TMC7: variants seen among roughly 807,000 people sequenced by gnomAD.
TMC7 encodes transmembrane channel-like protein 7.
A neutral mutation model predicts 82.9 loss-of-function variants in TMC7; 54 were observed. The ratio of observed to expected loss-of-function variants is 0.65; its 90% CI spans 0.52 to 0.82. The LOEUF (loss-of-function observed/expected upper bound fraction) is 0.82, where lower values mean the gene tolerates loss of function less well. Among genes scored for constraint, TMC7 ranks in the 40% least tolerant of loss-of-function variants. The pLI, the probability that TMC7 is intolerant of heterozygous loss-of-function variation, is 0.00. For synonymous variants in TMC7, 350 were observed against 337.9 expected, an observed-to-expected ratio of 1.04 and a Z score of -0.39; for missense variants, 820 against 901.2, an observed-to-expected ratio of 0.91 and a Z score of 1.15.
In TMC7 at chr16:19,057,352, G is replaced by C. The variant is rs1428463499; in HGVS notation, c.2027+655G>C. ...GAGCAGAGAGATGAACATCAGATTAGAAGCATGCCCTTGAACCCTGGCTCT... is the reference window on the plus strand; with the variant it reads ...GAGCAGAGAGATGAACATCAGATTACAAGCATGCCCTTGAACCCTGGCTCT... On this transcript the variant is annotated intron_variant, in intron 14 of 15. Coordinates refer to ENST00000304381, the MANE Select transcript of TMC7 (RefSeq NM_024847.4). 9.2e-5 allele frequency among the ~76,000 whole-genome samples: 14 copies of C among 152,152 alleles called. 1 individual carries two copies. The highest frequency in any genetic ancestry group is 7.9e-4 in the Admixed American group (12 of 15,270).
chr16:19,007,479 C>A (rs1401099203), intron 1 of TMC7, among the ~76,000 whole-genome samples: 2 of 152,310 alleles, frequency 1.3e-5, no homozygotes, highest in East Asian at 3.9e-4. Flanking sequence ...CTTCCTCCAA[C>A]CTGTCACACA....
chr16:19,025,136 C>T (rs904294698), intron 5 of TMC7, among the ~76,000 whole-genome samples: 7 of 152,146 alleles, frequency 4.6e-5, no homozygotes, highest in Admixed American at 3.9e-4. Context: ...TCCCTGGTCT[C>T]TACCCACTAG....
At chr16:19,019,934 C>T (rs575832744) in intron 3 of TMC7, among the ~76,000 whole-genome samples, 53 of 152,168 alleles carry the variant, frequency 3.5e-4, no homozygotes, top group Admixed American at 1.4e-3. Context: ...CTTATATCTT[C>T]GGTCTCCAGT....
intron 6 of TMC7, among the ~76,000 whole-genome samples, chr16:19,032,963 C>T (rs886783534): frequency 6.6e-6 from 1 of 152,112 alleles, no homozygotes; most frequent in African/African-American, 2.4e-5. Flanking sequence ...AGCGAATCTA[C>T]CTGTGAATCT....
chr16:19,058,746 C>T (rs754826721), intron 14 of TMC7, among the ~76,000 whole-genome samples: 11 of 152,150 alleles, frequency 7.2e-5, no homozygotes, highest in Non-Finnish European at 1.2e-4. Flanking sequence ...GGCTCTGTTG[C>T]CCAGTCTGGA....
intron 1 of TMC7, 116 bp downstream of exon 1, chr16:18,984,246 G>T (rs372123118): frequency 1.5e-6 from 2 of 1,343,972 alleles, no homozygotes; most frequent in Non-Finnish European, 1.9e-6. Context: ...CCCGACGCCG[G>T]GTGCTCCCGG....
intron 1 of TMC7, among the ~76,000 whole-genome samples, chr16:18,992,312 T>C (rs377224221): frequency 2.0e-4 from 31 of 152,130 alleles, no homozygotes; most frequent in East Asian, 3.9e-4. Context: ...GATGGTATCT[T>C]ATTGTGGTTT....
At position 19,063,735 on chromosome 16, in the gene TMC7, A is replaced by G. The variant is rs1367128021; in HGVS notation, c.*1892A>G. On this transcript the variant is annotated 3_prime_UTR_variant, in exon 16 of 16. Transcript: ENST00000304381. ...GAAAACGTACTGCGTTTTTTTTCCT[A>G]TTATAAAAGTGATACTGAAATATGC... is the stretch of plus-strand genomic sequence containing the variant. 3.3e-5 allele frequency: 5 copies of G among 151,086 alleles called. No homozygotes were observed. Among genetic ancestry groups the G allele is most frequent in the Admixed American group, 1.3e-4 (2 of 15,108 alleles). The allele number at this position is 151,086 out of a possible 1,614,324, so 9.4% of individuals were successfully genotyped here.
Position 19,021,618 on chromosome 16 carries a change from GTT to G in TMC7, c.461-6_461-5del. The G allele has an allele frequency of 6.2e-7, 1 of 1,614,000 alleles. No homozygotes were observed. The highest frequency in any genetic ancestry group is 8.5e-7 in the Non-Finnish European group (1 of 1,179,956). ...TCCCTGGTCAGTGATGTCCGGGTTT[GTT>G]TTTTCCAGGGAAATTTGGCACTGGG... On this transcript the variant is annotated splice_polypyrimidine_tract_variant and intron_variant, in intron 3 of 15. Coordinates refer to ENST00000304381, the MANE Select transcript of TMC7 (RefSeq NM_024847.4).
rs530312713 is a variant in TMC7, at chr16:19,005,871, A to G, written c.68-3301A>G. 4.6e-5 allele frequency among the ~76,000 whole-genome samples: 7 copies of G among 152,136 alleles called. No homozygotes were observed. The South Asian group carries it at 6.2e-4, about 14-fold the overall frequency. On this transcript the variant is annotated intron_variant, in intron 1 of 15. Coordinates refer to ENST00000304381, the MANE Select transcript of TMC7 (RefSeq NM_024847.4). ...CTCAGGGTGTGCCAGGCAGGGAGGT[A>G]GAAGGGTGGGTGAGGCTCGTAGACT... is the stretch of plus-strand genomic sequence containing the variant.
At chr16:19,010,231 G>C (rs940303061) in intron 2 of TMC7, among the ~76,000 whole-genome samples, 2 of 142,850 alleles carry the variant, frequency 1.4e-5, no homozygotes, top group African/African-American at 2.6e-5. Context: ...CTTGGCTCAC[G>C]GCAACCTCCA....
At chr16:19,016,173 C>G (rs11074351) in intron 2 of TMC7, among the ~76,000 whole-genome samples, 1 of 151,712 alleles carries the variant, frequency 6.6e-6, no homozygotes, top group Non-Finnish European at 1.5e-5. Context: ...CTCGGCTCAC[C>G]GCAACCTCCG....
At chr16:19,036,692 G>A (rs558214107) in intron 7 of TMC7, among the ~76,000 whole-genome samples, 2 of 152,166 alleles carry the variant, frequency 1.3e-5, no homozygotes, top group South Asian at 4.2e-4. Context: ...TCCAGCCTGG[G>A]TGACAGAGCT....
At position 19,021,614 on chromosome 16, in the gene TMC7, G is replaced by T. The variant is rs975432328; in HGVS notation, c.461-15G>T. 2 of 1,613,790 alleles carry T rather than the reference G, an allele frequency of 1.2e-6. No homozygotes were observed. The highest frequency in any genetic ancestry group is 1.7e-6 in the Non-Finnish European group (2 of 1,179,898). ...AATATCCCTGGTCAGTGATGTCCGG[G>T]TTTGTTTTTTCCAGGGAAATTTGGC... On this transcript the variant is annotated splice_polypyrimidine_tract_variant and intron_variant, in intron 3 of 15. Coordinates refer to ENST00000304381, the MANE Select transcript of TMC7 (RefSeq NM_024847.4).
At chr16:18,998,170 C>T (rs181471223) in intron 1 of TMC7, among the ~76,000 whole-genome samples, 8 of 152,280 alleles carry the variant, frequency 5.3e-5, no homozygotes, top group African/African-American at 7.2e-5. Context: ...TTACAGAAAA[C>T]GTTTGCTGAC....
intron 1 of TMC7, among the ~76,000 whole-genome samples, chr16:19,002,975 G>A (rs918111987): frequency 1.3e-5 from 2 of 152,234 alleles, no homozygotes; most frequent in Non-Finnish European, 2.9e-5. Flanking sequence ...AAAACCAGGA[G>A]TCTGTCTTGA....
rs1006334675 is a variant in TMC7 at position 18,991,209 on chromosome 16, G to C, written c.67+7079G>C. Among the ~76,000 whole-genome samples the C allele has an allele frequency of 2.0e-5, 3 of 152,284 alleles. No homozygotes were observed. The South Asian group carries it at 6.2e-4, about 32-fold the overall frequency. ...TGTTAGAAGGAGCATTTGTCATATA[G>C]AATTATTGGTGATGGCCTGGATATG... On this transcript the variant is annotated intron_variant, in intron 1 of 15. Coordinates refer to ENST00000304381, the MANE Select transcript of TMC7 (RefSeq NM_024847.4).
rs757489312 is a variant in TMC7, at chr16:19,009,137, T to G, written c.68-35T>G. The G allele has an allele frequency of 3.7e-6, 6 of 1,600,856 alleles. No individual in the cohort carries two copies. The South Asian group carries it at 6.7e-5, about 18-fold the overall frequency. On this transcript the variant is annotated intron_variant, in intron 1 of 15. Transcript: ENST00000304381. ...TTTCCTGCTTGGCTTCCGAACTCAC[T>G]GGAGTGAATGATGACTTTCTTTTCT...
At chr16:19,022,389 A>G (rs982132130) in intron 4 of TMC7, among the ~76,000 whole-genome samples, 4 of 152,254 alleles carry the variant, frequency 2.6e-5, no homozygotes, top group Admixed American at 1.3e-4. Flanking sequence ...CAATGTTTCA[A>G]TTAACAATGG....
Sources: allele counts gnomAD v4.1 joint callset (sites outside exome capture counted in the v4.1 genomes callset), GRCh38; gene constraint gnomAD v4.1.1; transcripts MANE v1.5; gene names NCBI Gene and HGNC (gene_info 2026-07-23, HGNC 2026-07-21).